Variants in SUGP2 observed in about 807,000 individuals in gnomAD.
SUGP2 encodes the protein SURP and G-patch domain containing 2, also known as SURP and G-patch domain-containing protein 2.
A neutral mutation model predicts 90.5 loss-of-function variants in SUGP2; 24 were observed. That is an observed-to-expected ratio of 0.27 (90% CI 0.19 to 0.37). SUGP2 has a LOEUF of 0.37. Among genes scored for constraint, SUGP2 ranks in the 10% least tolerant of loss-of-function variants. The pLI, the probability that SUGP2 is intolerant of heterozygous loss-of-function variation, is 1.00. For missense variants in SUGP2, 1,233 were observed against 1,363.3 expected (o/e 0.90, Z 1.51); for synonymous variants, 473 against 513.4 (o/e 0.92, Z 1.06).
intron 4 of SUGP2, among the ~76,000 whole-genome samples, chr19:19,014,066 T>C (rs2058403435): frequency 2.0e-5 from 3 of 152,206 alleles, no homozygotes; most frequent in Admixed American, 2.0e-4. Context: ...CGATCTCAGC[T>C]CACTGCAACC....
At chr19:19,016,355 C>T (rs998526536) in intron 4 of SUGP2, among the ~76,000 whole-genome samples, 1 of 152,030 alleles carries the variant, frequency 6.6e-6, no homozygotes, top group African/African-American at 2.4e-5. Flanking sequence ...TCCAAACATA[C>T]CCCTGACTCT....
Position 19,033,460 on chromosome 19 carries a change from C to T in SUGP2, c.-35G>A. Reference sequence around the variant, plus strand: ...ACCCCGAGACCACCGCGCGCGGAGCCACCCCCGCCGCCGCCTCAGGCTCCT... The same window carrying T: ...ACCCCGAGACCACCGCGCGCGGAGCTACCCCCGCCGCCGCCTCAGGCTCCT... On this transcript the variant is annotated 5_prime_UTR_variant, in exon 1 of 11. Coordinates refer to ENST00000452918, the MANE Select transcript of SUGP2 (RefSeq NM_001017392.5). 1 of 1,400,602 alleles carries T rather than the reference C, an allele frequency of 7.1e-7. No individual in the cohort carries two copies. The highest frequency in any genetic ancestry group is 3.5e-5 in the East Asian group (1 of 28,718). 86.8% of individuals were successfully genotyped at this position (1,400,602 alleles called of 1,614,324 possible).
chr19:19,009,231 CCA>C (rs1337091724), intron 5 of SUGP2, among the ~76,000 whole-genome samples: 3 of 152,134 alleles, frequency 2.0e-5, no homozygotes, highest in African/African-American at 7.2e-5. Context: ...CTGTTTTAAG[CCA>C]CAGTTTGGAA....
chr19:19,033,461 A>ACCCCCGCCGCCGCCTCAGGCTCCT lies in SUGP2; in HGVS notation c.-60_-37dup. 2 of 1,394,920 alleles carry ACCCCCGCCGCCGCCTCAGGCTCCT rather than the reference A, an allele frequency of 1.4e-6. No individual in the cohort carries two copies. The highest frequency in any genetic ancestry group is 9.3e-7 in the Non-Finnish European group (1 of 1,074,418). 86.4% of individuals were successfully genotyped at this position (1,394,920 alleles called of 1,614,324 possible). ...CCCCGAGACCACCGCGCGCGGAGCC[A>ACCCCCGCCGCCGCCTCAGGCTCCT]CCCCCGCCGCCGCCTCAGGCTCCTC... On this transcript the variant is annotated 5_prime_UTR_variant, in exon 1 of 11. Transcript: ENST00000452918.
intron 10 of SUGP2, 144 bp from the exon 11 acceptor site, chr19:18,993,884 A>C (rs1295086511): frequency 6.6e-6 from 1 of 152,398 alleles, no homozygotes; most frequent in East Asian, 1.9e-4. Flanking sequence ...ACCCTCACAA[A>C]GGGACACAGC....
rs763731739 is a variant in SUGP2 at position 19,025,110 on chromosome 19, T to C, written c.1238A>G (p.Lys413Arg). The change falls in exon 3 of 11, where the codon AAG becomes AGG. Residue 413 changes from lysine (K) to arginine (R), a missense_variant. Transcript: ENST00000452918. ...LNMLLDKGAV[K>R]TKNCFFEIIK... ...GATTTCAAAAAAGCAATTTTTGGTC[T>C]TCACAGCACCTTTGTCTAAAAGCAT... The C allele has an allele frequency of 6.2e-6, 10 of 1,614,038 alleles. No homozygotes were observed. In the South Asian group the frequency reaches 1.1e-4, roughly 18 times the overall value.
At chr19:19,014,623 C>T (rs10422335) in intron 4 of SUGP2, among the ~76,000 whole-genome samples, 102,643 of 150,378 alleles carry the variant, frequency 0.68, 35,501 homozygotes, top group East Asian at 0.89. Context: ...AAACCCATTT[C>T]TTAAAAAAAG....
At chr19:19,019,442 A>T (rs1429106592) in intron 3 of SUGP2, among the ~76,000 whole-genome samples, 2 of 152,240 alleles carry the variant, frequency 1.3e-5, no homozygotes, top group Non-Finnish European at 2.9e-5. Flanking sequence ...ACTAGGAGAG[A>T]AACAGTCACA....
At position 19,026,053 on chromosome 19, in the gene SUGP2, C is replaced by A. The variant is rs1397028143; in HGVS notation, c.295G>T (p.Asp99Tyr). The change falls in exon 3 of 11, where the codon GAT (aspartate) becomes TAT (tyrosine). Residue 99 changes from aspartate (D) to tyrosine (Y), a missense_variant. Coordinates refer to ENST00000452918, the MANE Select transcript of SUGP2 (RefSeq NM_001017392.5). Reference sequence around the variant, plus strand: ...CATTCTTTGCGAAAGTAGCTGTCATCACTGATGGAAGGGTTGCTTGATCTG... The same window carrying A: ...CATTCTTTGCGAAAGTAGCTGTCATAACTGATGGAAGGGTTGCTTGATCTG... ...SFRSSNPSISDDSYFRKECGR... is the reference protein window; with the variant it reads ...SFRSSNPSISYDSYFRKECGR... 1.2e-6 allele frequency: 2 copies of A among 1,613,960 alleles called. No homozygotes were observed. The highest frequency in any genetic ancestry group is 1.7e-6 in the Non-Finnish European group (2 of 1,180,026).
intron 4 of SUGP2, among the ~76,000 whole-genome samples, chr19:19,017,493 T>C (rs979703780): frequency 6.6e-6 from 1 of 151,942 alleles, no homozygotes; most frequent in African/African-American, 2.4e-5. Flanking sequence ...CAGCTGAGGC[T>C]GGGCGCGGTG....
At chr19:18,994,613 A>G in intron 9 of SUGP2, 127 bp from the exon 10 acceptor site, 1 of 1,336,922 alleles carries the variant, frequency 7.5e-7, no homozygotes, top group Non-Finnish European at 1.0e-6. Flanking sequence ...CATCAAAGAA[A>G]GGGAAAATCA....
Position 19,017,981 on chromosome 19 carries a change from C to T in SUGP2, c.1850+1128G>A, listed in dbSNP as rs147143138. On this transcript the variant is annotated intron_variant, in intron 4 of 10. Transcript: ENST00000452918. ...TGTCTCAGCCCAGCACAGTGGCTTA[C>T]GCCTGTAATCCCAGCACTTTGGGAG... is the stretch of plus-strand genomic sequence containing the variant. Among the ~76,000 whole-genome samples, 1,354 of 150,484 alleles carry T rather than the reference C, an allele frequency of 9.0e-3. 12 individuals are homozygous for T. Among genetic ancestry groups the T allele is most frequent in the Non-Finnish European group, 0.013 (897 of 67,870 alleles).
chr19:19,013,572 A>C (rs2145536004), intron 4 of SUGP2, among the ~76,000 whole-genome samples: 1 of 152,084 alleles, frequency 6.6e-6, no homozygotes, highest in South Asian at 2.1e-4. Context: ...CTGCACACCT[A>C]CCTCCCTCCT....
At chr19:19,019,264 G>C (rs1416164812) in intron 3 of SUGP2, 35 bp from the exon 4 acceptor site, 2 of 1,592,930 alleles carry the variant, frequency 1.3e-6, no homozygotes, top group African/African-American at 1.3e-5. Context: ...TGAGAAATAT[G>C]CTGAATGTGG....
At chr19:19,029,138 C>T (rs1348542259) in intron 2 of SUGP2, among the ~76,000 whole-genome samples, 3 of 150,958 alleles carry the variant, frequency 2.0e-5, no homozygotes, top group African/African-American at 7.3e-5. Flanking sequence ...GCCACCATGC[C>T]CAGATAAATT....
At chr19:19,023,212 G>A (rs996899673) in intron 3 of SUGP2, among the ~76,000 whole-genome samples, 1 of 152,114 alleles carries the variant, frequency 6.6e-6, no homozygotes, top group Non-Finnish European at 1.5e-5. Context: ...TGACCTGGCT[G>A]TTCCCTACAC....
Position 19,019,725 on chromosome 19 carries a change from G to A in SUGP2, c.1730-496C>T, listed in dbSNP as rs1014406116. Among the ~76,000 whole-genome samples, 4 of 150,062 alleles carry A rather than the reference G, an allele frequency of 2.7e-5. No homozygotes were observed. The East Asian group carries it at 7.8e-4, about 29-fold the overall frequency. Reference sequence around the variant, plus strand: ...AATATGTTAACAGAGGTTATAGGGGGTAGAATTATCAGGAATTTCATTTTC... The same window carrying A: ...AATATGTTAACAGAGGTTATAGGGGATAGAATTATCAGGAATTTCATTTTC... On this transcript the variant is annotated intron_variant, in intron 3 of 10. Transcript: ENST00000452918.
intron 2 of SUGP2, among the ~76,000 whole-genome samples, chr19:19,028,730 G>A (rs905213577): frequency 5.3e-5 from 8 of 151,958 alleles, no homozygotes; most frequent in East Asian, 3.9e-4. Flanking sequence ...ACGGAGTCTC[G>A]TTCTGTCACC....
intron 4 of SUGP2, among the ~76,000 whole-genome samples, chr19:19,015,679 A>G (rs2058473810): frequency 6.6e-6 from 1 of 151,880 alleles, no homozygotes; most frequent in South Asian, 2.1e-4. Flanking sequence ...AATTTTTTGT[A>G]TTTTTATTAG....
Sources: gnomAD v4.1 joint callset for allele counts (sites outside exome capture counted in the v4.1 genomes callset) on GRCh38, gnomAD v4.1.1 for gene constraint, MANE v1.5 for transcripts, NCBI Gene and HGNC (gene_info 2026-07-23, HGNC 2026-07-21) for gene names.